NLGN1: variants seen among roughly 807,000 people sequenced by gnomAD.
NLGN1 encodes neuroligin-1.
Under a neutral mutation model 65.5 loss-of-function variants are expected in NLGN1, and 12 were observed. The observed-to-expected ratio is 0.18, with a 90% CI of 0.12 to 0.30. The LOEUF (loss-of-function observed/expected upper bound fraction) is 0.30, where lower values mean the gene tolerates loss of function less well. Among genes scored for constraint, NLGN1 ranks in the 10% least tolerant of loss-of-function variants. NLGN1 has a pLI of 1.00. For synonymous variants in NLGN1, 350 were observed against 359.5 expected, an observed-to-expected ratio of 0.97 and a Z score of 0.30; for missense variants, 750 against 1,007.1, an observed-to-expected ratio of 0.74 and a Z score of 3.46.
chr3:174,278,952 C>A, exon 6 of NLGN1: 1 of 1,540,960 alleles, frequency 6.5e-7, no homozygotes, highest in Non-Finnish European at 8.7e-7. Context: ...GAATGTTGGC[C>A]ACAAAAGTTG....
intron 4 of NLGN1, among the ~76,000 whole-genome samples, chr3:173,993,949 G>T (rs552997606): frequency 6.6e-6 from 1 of 151,816 alleles, no homozygotes; most frequent in African/African-American, 2.4e-5. Flanking sequence ...TATATATATA[G>T]TAACTAGGAA....
intron 2 of NLGN1, among the ~76,000 whole-genome samples, chr3:173,588,123 G>T (rs984975887): frequency 4.6e-5 from 7 of 152,110 alleles, no homozygotes; most frequent in Non-Finnish European, 8.8e-5. Context: ...TAAAATTCAA[G>T]TTTTTGACAT....
intron 4 of NLGN1, among the ~76,000 whole-genome samples, chr3:174,265,598 G>T (rs533995413): frequency 3.3e-5 from 5 of 151,972 alleles, no homozygotes; most frequent in Non-Finnish European, 7.4e-5. Context: ...CTAGTGAGAT[G>T]AACCCGGTAC....
intron 3 of NLGN1, among the ~76,000 whole-genome samples, chr3:173,654,060 G>A (rs749355580): frequency 4.0e-4 from 61 of 152,144 alleles, no homozygotes; most frequent in Non-Finnish European, 1.0e-4. Context: ...ATGGAACTGA[G>A]TTGAGTCATC....
chr3:173,882,488 A>G (rs1269783314), intron 4 of NLGN1, among the ~76,000 whole-genome samples: 1 of 152,250 alleles, frequency 6.6e-6, no homozygotes, highest in Non-Finnish European at 1.5e-5. Context: ...AATGTTAGCT[A>G]GATCTTCTGG....
intron 4 of NLGN1, among the ~76,000 whole-genome samples, chr3:173,949,890 A>G (rs1448643616): frequency 1.3e-5 from 2 of 152,272 alleles, no homozygotes; most frequent in Non-Finnish European, 1.5e-5. Flanking sequence ...ATGGATATTT[A>G]ATCATCTGCT....
chr3:173,530,996 T>C (rs1476731980), intron 2 of NLGN1, among the ~76,000 whole-genome samples: 1 of 152,178 alleles, frequency 6.6e-6, no homozygotes, highest in Non-Finnish European at 1.5e-5. Flanking sequence ...AAAATCGTTC[T>C]TTCTTCTAAA....
At chr3:174,210,736 A>T (rs1561297768) in intron 4 of NLGN1, among the ~76,000 whole-genome samples, 1 of 152,244 alleles carries the variant, frequency 6.6e-6, no homozygotes, top group Non-Finnish European at 1.5e-5. Flanking sequence ...AGTTAAAAAA[A>T]TACAGTTACA....
intron 1 of NLGN1, among the ~76,000 whole-genome samples, chr3:173,418,971 A>T (rs553362395): frequency 9.3e-4 from 67 of 72,278 alleles, no homozygotes; most frequent in African/African-American, 3.5e-3. Context: ...AAATATGATG[A>T]TTTTTTTTTT....
rs542467184 is a variant in NLGN1 at position 173,808,729 on chromosome 3, C to T, written c.646+897C>T. Among the ~76,000 whole-genome samples, 5 of 152,128 alleles carry T rather than the reference C, an allele frequency of 3.3e-5. No homozygotes were observed. The East Asian group carries it at 7.7e-4, about 24-fold the overall frequency. The stretch of plus-strand genomic sequence containing the variant: ...TCTTAATTGTCCTCCAAGTCTTATC[C>T]CATACTATAGACTTGAAGAAGCGTA... On this transcript the variant is annotated intron_variant, in intron 4 of 6. Coordinates refer to ENST00000457714, the Ensembl canonical transcript of NLGN1.
At chr3:173,747,378 T>A (rs1301058742) in intron 3 of NLGN1, among the ~76,000 whole-genome samples, 4 of 145,780 alleles carry the variant, frequency 2.7e-5, no homozygotes, top group African/African-American at 5.0e-5. Flanking sequence ...ATATATATAC[T>A]TAAAGATATA....
chr3:173,447,478 T>G (rs1327679224), intron 2 of NLGN1, among the ~76,000 whole-genome samples: 1 of 152,210 alleles, frequency 6.6e-6, no homozygotes, highest in African/African-American at 2.4e-5. Context: ...CCTTGTAGTA[T>G]AGTTTGAAGT....
At chr3:173,684,921 C>A (rs527845992) in intron 3 of NLGN1, among the ~76,000 whole-genome samples, 1 of 152,140 alleles carries the variant, frequency 6.6e-6, no homozygotes, top group Non-Finnish European at 1.5e-5. Flanking sequence ...TGCTCTACTT[C>A]TGATAATTCA....
intron 2 of NLGN1, among the ~76,000 whole-genome samples, chr3:173,511,772 A>G (rs531934247): frequency 1.3e-5 from 2 of 152,154 alleles, no homozygotes; most frequent in East Asian, 3.9e-4. Context: ...GAGTTTACTG[A>G]AGGCACTTTT....
At chr3:174,237,118 G>GT (rs1439497053) in intron 4 of NLGN1, among the ~76,000 whole-genome samples, 2 of 152,050 alleles carry the variant, frequency 1.3e-5, no homozygotes, top group Non-Finnish European at 1.5e-5. Flanking sequence ...TATTGATAAA[G>GT]TAGAAAATTA....
chr3:174,041,869 C>A (rs1297636780), intron 4 of NLGN1, among the ~76,000 whole-genome samples: 1 of 152,126 alleles, frequency 6.6e-6, no homozygotes, highest in East Asian at 1.9e-4. Context: ...GCCTGACCAA[C>A]ATGGTGAAAC....
chr3:174,166,663 A>G (rs968004262), intron 4 of NLGN1, among the ~76,000 whole-genome samples: 1 of 151,934 alleles, frequency 6.6e-6, no homozygotes. Context: ...CCTGTGGTTT[A>G]TGGTTGGAGT....
chr3:174,142,787 A>T (rs182028803), intron 4 of NLGN1, among the ~76,000 whole-genome samples: 5 of 152,368 alleles, frequency 3.3e-5, no homozygotes, highest in Admixed American at 3.3e-4. Flanking sequence ...ACAAAGACAT[A>T]TGCATTTATA....
chr3:173,890,555 G>A (rs1430546170), intron 4 of NLGN1, among the ~76,000 whole-genome samples: 1 of 152,060 alleles, frequency 6.6e-6, no homozygotes, highest in Non-Finnish European at 1.5e-5. Flanking sequence ...TGTGAAAGGT[G>A]GTCATTTATA....
Sources: gnomAD v4.1 joint callset for allele counts (sites outside exome capture counted in the v4.1 genomes callset) on GRCh38, gnomAD v4.1.1 for gene constraint, MANE v1.5 for transcripts, NCBI Gene and HGNC (gene_info 2026-07-23, HGNC 2026-07-21) for gene names.